Variants in TIAM1 observed in about 807,000 individuals in gnomAD.
TIAM1 encodes TIAM Rac1 associated GEF 1.
In TIAM1, 65 loss-of-function variants were observed where a neutral mutation model predicts 163.5. The ratio of observed to expected loss-of-function variants is 0.40; its 90% CI spans 0.33 to 0.49. The LOEUF (loss-of-function observed/expected upper bound fraction) is 0.49, where lower values mean the gene tolerates loss of function less well. Ranked by LOEUF, TIAM1 falls within the 20% of genes least tolerant of loss-of-function variation. The pLI is 0.77. For synonymous variants in TIAM1, 833 were observed against 810.1 expected (o/e 1.03, Z -0.48); for missense variants, 1,789 against 2,044.7 (o/e 0.87, Z 2.41).
intron 16 of TIAM1, among the ~76,000 whole-genome samples, chr21:31,162,003 T>C (rs2146354378): frequency 6.6e-6 from 1 of 152,330 alleles, no homozygotes; most frequent in East Asian, 1.9e-4. Flanking sequence ...TATATATAAA[T>C]GGCCTACAGC....
intron 26 of TIAM1, 36 bp from the exon 27 acceptor site, chr21:31,124,730 G>C: frequency 1.3e-6 from 2 of 1,510,056 alleles, no homozygotes; most frequent in Admixed American, 2.2e-5. Flanking sequence ...TAGAGAATCA[G>C]GGCTTAACAC....
At chr21:31,175,619 G>A (rs2084723735) in intron 15 of TIAM1, among the ~76,000 whole-genome samples, 1 of 151,428 alleles carries the variant, frequency 6.6e-6, no homozygotes, top group Non-Finnish European at 1.5e-5. Flanking sequence ...TTTTTTTTGA[G>A]ACGGAGTCTC....
chr21:31,425,736 G>A (rs1413127963), intron 2 of TIAM1, among the ~76,000 whole-genome samples: 3 of 143,814 alleles, frequency 2.1e-5, no homozygotes, highest in African/African-American at 5.2e-5. Context: ...TCGCTCTGTC[G>A]CCCAGGCTGG....
intron 2 of TIAM1, among the ~76,000 whole-genome samples, chr21:31,460,167 A>G (rs985217428): frequency 6.6e-6 from 1 of 152,120 alleles, no homozygotes; most frequent in Non-Finnish European, 1.5e-5. Flanking sequence ...TGCCCATTTT[A>G]AGGAGTTTGT....
At chr21:31,245,399 C>CA in intron 6 of TIAM1, 89 bp downstream of exon 6, 5 of 483,336 alleles carry the variant, frequency 1.0e-5, no homozygotes, top group Non-Finnish European at 1.2e-5. Flanking sequence ...AAAAAAAAAG[C>CA]AGTGGAGGGA....
chr21:31,124,403 C>T, intron 27 of TIAM1, 119 bp downstream of exon 27: 1 of 1,417,648 alleles, frequency 7.1e-7, no homozygotes, highest in Non-Finnish European at 9.3e-7. Context: ...AACCGTCCTC[C>T]TACATCAGCC....
intron 1 of TIAM1, among the ~76,000 whole-genome samples, chr21:31,502,703 A>G (rs1457390816): frequency 1.3e-5 from 2 of 152,132 alleles, no homozygotes; most frequent in Non-Finnish European, 2.9e-5. Context: ...TTCCTGGTTC[A>G]CTCCGGATTG....
rs530443011 is a variant in TIAM1, at chr21:31,444,774, G to A, written c.-369+19209C>T. ...AGCACTTTGGGAGGCCAAGGTGGGC[G>A]GAACACCTGAGGTCGGGAGCTTGAG... On this transcript the variant is annotated intron_variant, in intron 2 of 28. Coordinates refer to the TIAM1 transcript ENST00000286827. Among the ~76,000 whole-genome samples, 73 of 152,292 alleles carry A rather than the reference G, an allele frequency of 4.8e-4. 1 individual carries two copies. Among genetic ancestry groups the A allele is most frequent in the African/African-American group, 1.6e-3 (67 of 41,572 alleles).
chr21:31,543,668 C>G lies in TIAM1; in HGVS notation c.-422+15259G>C, dbSNP rs538343582. 3.9e-5 allele frequency among the ~76,000 whole-genome samples: 6 copies of G among 152,242 alleles called. No homozygotes were observed. The South Asian group carries it at 1.2e-3, about 32-fold the overall frequency. ...AATAGAAATGTCCCAGATCTGGAAACAGTGTGAGCAAAAGAATAAGAAAAC... is the reference window on the plus strand; with the variant it reads ...AATAGAAATGTCCCAGATCTGGAAAGAGTGTGAGCAAAAGAATAAGAAAAC... On this transcript the variant is annotated intron_variant, in intron 1 of 28. Coordinates refer to the TIAM1 transcript ENST00000286827.
chr21:31,421,329 C>A (rs1476719750), intron 2 of TIAM1, among the ~76,000 whole-genome samples: 1 of 152,110 alleles, frequency 6.6e-6, no homozygotes, highest in Non-Finnish European at 1.5e-5. Context: ...GAAGAAGAGT[C>A]GGGAAGAATT....
At chr21:31,165,183 C>G (rs2084148941) in intron 15 of TIAM1, 118 bp from the exon 16 acceptor site, 1 of 779,336 alleles carries the variant, frequency 1.3e-6, no homozygotes, top group Non-Finnish European at 2.1e-6. Flanking sequence ...CTGTAAGACC[C>G]TCCAAGTACA....
intron 5 of TIAM1, among the ~76,000 whole-genome samples, chr21:31,245,982 C>T (rs1209047858): frequency 6.6e-6 from 1 of 152,066 alleles, no homozygotes; most frequent in African/African-American, 2.4e-5. Flanking sequence ...TCCTCTGTCC[C>T]GAGGCAGAGG....
At chr21:31,359,331 A>C (rs2076365152) in intron 2 of TIAM1, among the ~76,000 whole-genome samples, 1 of 152,222 alleles carries the variant, frequency 6.6e-6, no homozygotes, top group Admixed American at 6.5e-5. Context: ...TGATCACCAA[A>C]GTATCCCAAG....
At chr21:31,419,203 G>A (rs966654783) in intron 2 of TIAM1, among the ~76,000 whole-genome samples, 1 of 152,188 alleles carries the variant, frequency 6.6e-6, no homozygotes, top group Non-Finnish European at 1.5e-5. Context: ...ACTCAGCAAA[G>A]GGGAGTTATT....
chr21:31,492,172 C>T (rs1237272984), intron 1 of TIAM1, among the ~76,000 whole-genome samples: 2 of 152,090 alleles, frequency 1.3e-5, no homozygotes, highest in Admixed American at 6.6e-5. Context: ...ATCGTTAAGC[C>T]AAGGGAGAAG....
chr21:31,225,592 C>CTTAG, intron 7 of TIAM1, 134 bp downstream of exon 7: 1 of 703,386 alleles, frequency 1.4e-6, no homozygotes, highest in South Asian at 1.9e-5. Flanking sequence ...CAGTAAAGAA[C>CTTAG]TTAGCATCCT....
intron 6 of TIAM1, among the ~76,000 whole-genome samples, chr21:31,244,669 G>A (rs778272570): frequency 4.6e-5 from 7 of 152,204 alleles, no homozygotes; most frequent in Non-Finnish European, 8.8e-5. Flanking sequence ...AGATTGCAGG[G>A]AGCTGAGATC....
At chr21:31,474,800 C>A (rs1201273977) in intron 1 of TIAM1, among the ~76,000 whole-genome samples, 1 of 151,918 alleles carries the variant, frequency 6.6e-6, no homozygotes, top group African/African-American at 2.4e-5. Context: ...CCTGCCTTGG[C>A]CTCTCAAAGT....
chr21:31,351,373 T>A (rs562742264), intron 2 of TIAM1, among the ~76,000 whole-genome samples: 1 of 152,206 alleles, frequency 6.6e-6, no homozygotes, highest in African/African-American at 2.4e-5. Context: ...TTAAAAAATA[T>A]GTCCATAAAA....
Sources: gnomAD v4.1 joint callset for allele counts (sites outside exome capture counted in the v4.1 genomes callset) on GRCh38, gnomAD v4.1.1 for gene constraint, MANE v1.5 for transcripts, NCBI Gene and HGNC (gene_info 2026-07-23, HGNC 2026-07-21) for gene names.